Variants in MBD5 observed in about 807,000 individuals in gnomAD.
MBD5 encodes methyl-CpG binding domain protein 5.
Under a neutral mutation model 117.3 loss-of-function variants are expected in MBD5, and 13 were observed. The ratio of observed to expected loss-of-function variants is 0.11; its 90% confidence interval spans 0.07 to 0.18. MBD5 has a LOEUF of 0.18. Ranked by LOEUF, MBD5 falls within the 10% of genes least tolerant of loss-of-function variation. The pLI is 1.00. For synonymous variants in MBD5, 727 were observed against 766.4 expected, an observed-to-expected ratio of 0.95 and a Z score of 0.85; for missense variants, 1,879 against 2,093.8, an observed-to-expected ratio of 0.90 and a Z score of 2.00.
intron 4 of MBD5, among the ~76,000 whole-genome samples, chr2:148,455,935 A>G (rs1706865493): frequency 6.6e-6 from 1 of 152,066 alleles, no homozygotes; most frequent in African/African-American, 2.4e-5. Flanking sequence ...TATTTGACAA[A>G]ACTAGAGGTC....
intron 1 of MBD5, among the ~76,000 whole-genome samples, chr2:148,131,164 C>CACTTATTTTAGTTTGAAAGCACTTAAAA (rs1697037133): frequency 6.6e-6 from 1 of 152,160 alleles, no homozygotes; most frequent in Non-Finnish European, 1.5e-5. Context: ...TGAGGGCTTA[C>CACTTATTTTAGTTTGAAAGCACTTAAAA]TAGTTTGAAA....
At position 148,299,454 on chromosome 2, in the gene MBD5, C is replaced by A. The variant is rs1002083349; in HGVS notation, c.-679-42760C>A. Among the ~76,000 whole-genome samples, 3 of 152,012 alleles carry A rather than the reference C, an allele frequency of 2.0e-5. No individual in the cohort carries two copies. The East Asian group carries it at 5.8e-4, about 29-fold the overall frequency. ...AAAGAACTTTTTTAAAGAACTTTGT[C>A]TAAAGTTGTTTGTAACTTTAGGAGT... On this transcript the variant is annotated intron_variant, in intron 3 of 13. Transcript: ENST00000642680.
At chr2:148,104,558 C>T (rs1696318441) in intron 1 of MBD5, among the ~76,000 whole-genome samples, 1 of 151,988 alleles carries the variant, frequency 6.6e-6, no homozygotes, top group Admixed American at 6.6e-5. Flanking sequence ...GTTTTAACAC[C>T]CAATCTTAAC....
At chr2:148,223,908 T>TAACC (rs1699753248) in intron 2 of MBD5, among the ~76,000 whole-genome samples, 1 of 152,204 alleles carries the variant, frequency 6.6e-6, no homozygotes, top group Non-Finnish European at 1.5e-5. Context: ...TCCATAGGTT[T>TAACC]TGCTTGTTGT....
At position 148,171,306 on chromosome 2, in the gene MBD5, C is replaced by T. The variant is rs544018331; in HGVS notation, c.-924-7394C>T. 5.3e-5 allele frequency among the ~76,000 whole-genome samples: 8 copies of T among 152,284 alleles called. No individual in the cohort carries two copies. The South Asian group carries it at 1.5e-3, about 28-fold the overall frequency. ...CACCATGATCCAGTGTTATTTATCC[C>T]TGGGATGCAAGGACAGTTCAAAATA... On this transcript the variant is annotated intron_variant, in intron 1 of 13. Transcript: ENST00000642680.
chr2:148,380,422 C>G (rs757189397), intron 4 of MBD5, among the ~76,000 whole-genome samples: 7 of 152,056 alleles, frequency 4.6e-5, no homozygotes, highest in Non-Finnish European at 8.8e-5. Context: ...GTCTCATAGA[C>G]CACATTCTCT....
At chr2:148,088,190 C>A (rs947899315) in intron 1 of MBD5, among the ~76,000 whole-genome samples, 2 of 151,902 alleles carry the variant, frequency 1.3e-5, no homozygotes, top group East Asian at 3.9e-4. Context: ...AGACATAAAT[C>A]CTCCAAGAAA....
intron 1 of MBD5, among the ~76,000 whole-genome samples, chr2:148,125,072 C>T (rs750387135): frequency 2.6e-5 from 4 of 151,690 alleles, no homozygotes; most frequent in Non-Finnish European, 2.9e-5. Flanking sequence ...TCTAAAATTA[C>T]TGTATTTCAT....
intron 3 of MBD5, among the ~76,000 whole-genome samples, chr2:148,239,834 A>G (rs1380085956): frequency 1.3e-5 from 2 of 152,082 alleles, no homozygotes; most frequent in Non-Finnish European, 2.9e-5. Flanking sequence ...AATAACTAGG[A>G]CCACAGCTGC....
chr2:148,224,777 GT>G (rs140633015), intron 2 of MBD5, among the ~76,000 whole-genome samples: 17,418 of 151,486 alleles, frequency 0.11, 1,348 homozygotes, highest in Non-Finnish European at 0.18. Context: ...GTTTTGTTTT[GT>G]TTTTTTGCTG....
intron 1 of MBD5, among the ~76,000 whole-genome samples, chr2:148,063,065 A>G (rs1286669022): frequency 6.6e-6 from 1 of 152,154 alleles, no homozygotes. Flanking sequence ...TTAGTATTCA[A>G]ATAAAAACAT....
At chr2:148,502,661 C>A (rs1681910047) in intron 12 of MBD5, 152 bp downstream of exon 12, 1 of 739,704 alleles carries the variant, frequency 1.4e-6, no homozygotes, top group African/African-American at 1.7e-5. Flanking sequence ...TATAGACAAG[C>A]CAAATTAGTG....
intron 3 of MBD5, among the ~76,000 whole-genome samples, chr2:148,328,610 G>GTGT (rs1464909975): frequency 6.6e-6 from 1 of 152,238 alleles, no homozygotes; most frequent in Non-Finnish European, 1.5e-5. Context: ...TTTTCCAGGT[G>GTGT]CCCTCTGTCA....
At chr2:148,503,927 T>A (rs1318648145) in intron 12 of MBD5, among the ~76,000 whole-genome samples, 1 of 152,206 alleles carries the variant, frequency 6.6e-6, no homozygotes, top group African/African-American at 2.4e-5. Context: ...AAAGGAGCCC[T>A]GAAAATGTTT....
intron 3 of MBD5, among the ~76,000 whole-genome samples, chr2:148,241,097 T>G (rs1242357210): frequency 6.6e-6 from 1 of 152,160 alleles, no homozygotes; most frequent in Non-Finnish European, 1.5e-5. Flanking sequence ...TATATTTTTC[T>G]GTTTCTTTAC....
intron 4 of MBD5, among the ~76,000 whole-genome samples, chr2:148,353,283 G>T (rs987548423): frequency 6.6e-6 from 1 of 152,008 alleles, no homozygotes; most frequent in African/African-American, 2.4e-5. Flanking sequence ...ACCTCTGAAG[G>T]GTGTATATGT....
At chr2:148,464,789 C>A (rs1707204618) in intron 7 of MBD5, among the ~76,000 whole-genome samples, 1 of 114,004 alleles carries the variant, frequency 8.8e-6, no homozygotes, top group Non-Finnish European at 1.9e-5. Flanking sequence ...CAAGACCTGT[C>A]TCTAAAATAA....
chr2:148,227,726 T>G (rs547189178), intron 2 of MBD5, among the ~76,000 whole-genome samples: 134 of 152,336 alleles, frequency 8.8e-4, no homozygotes, highest in African/African-American at 3.1e-3. Flanking sequence ...TTTCACCATA[T>G]TGATTCTTCC....
chr2:148,179,077 G>C (rs150768636), intron 2 of MBD5, among the ~76,000 whole-genome samples: 2 of 152,100 alleles, frequency 1.3e-5, no homozygotes, highest in Admixed American at 1.3e-4. Context: ...ACTTCTGGCC[G>C]GGCGCGGTGG....
Sources: allele counts gnomAD v4.1 joint callset (sites outside exome capture counted in the v4.1 genomes callset), GRCh38; gene constraint gnomAD v4.1.1; transcripts MANE v1.5; gene names NCBI Gene and HGNC (gene_info 2026-07-23, HGNC 2026-07-21).